The following CWH43 variants were observed in gnomAD, a reference collection of about 807,000 sequenced individuals.
CWH43 encodes cell wall biogenesis 43 C-terminal homolog.
CWH43 carries 91 observed loss-of-function variants against 85.7 expected under a neutral mutation model. The ratio of observed to expected loss-of-function variants is 1.06; its 90% CI spans 0.90 to 1.26. CWH43 has a LOEUF of 1.26. CWH43 is among the 50% of genes most tolerant of loss of function. The pLI, the probability that CWH43 is intolerant of heterozygous loss-of-function variation, is 0.00. For synonymous variants in CWH43, 323 were observed against 293.6 expected (o/e 1.10, Z -1.02); for missense variants, 869 against 839.2 (o/e 1.04, Z -0.44).
chr4:49,025,550 C>T (rs1476177708), intron 9 of CWH43, among the ~76,000 whole-genome samples: 10 of 152,162 alleles, frequency 6.6e-5, no homozygotes, highest in Non-Finnish European at 1.3e-4. Context: ...AGGGTGCTCC[C>T]CTGATGTGGT....
rs373628138 is a variant in CWH43, at chr4:48,994,686, C to T, written c.579C>T (p.Pro193=). The change falls in exon 5 of 16, where the codon CCC becomes CCT. Residue 193 remains proline, a synonymous_variant. Transcript: ENST00000226432. The part of the protein sequence containing the change: ...GEVATGMASR[P]NWLLAGAAFG... The stretch of plus-strand genomic sequence containing the variant: ...TAGCCACGGGGATGGCCTCTAGACC[C>T]AACTGGCTGCTGGCAGGGGCTGCTT... 6.2e-7 allele frequency: 1 copy of T among 1,614,092 alleles called. No homozygotes were observed. Among genetic ancestry groups the T allele is most frequent in the African/African-American group, 1.3e-5 (1 of 74,944 alleles).
intron 6 of CWH43, among the ~76,000 whole-genome samples, chr4:49,001,955 G>T (rs1783006628): frequency 1.3e-5 from 2 of 152,182 alleles, no homozygotes; most frequent in South Asian, 4.1e-4. Context: ...ATTTGGTAAA[G>T]ATTTTTGGTA....
intron 8 of CWH43, among the ~76,000 whole-genome samples, chr4:49,014,730 G>A (rs1373904920): frequency 1.3e-5 from 2 of 151,922 alleles, no homozygotes; most frequent in Non-Finnish European, 2.9e-5. Context: ...GTTTCTTAGA[G>A]CAATTTTAGG....
chr4:48,986,436 T>G lies in CWH43; in HGVS notation c.7T>G (p.Ser3Ala). The change falls in exon 1 of 16, where the codon TCG becomes GCG. Residue 3 changes from serine (S) to alanine (A), a missense_variant. By Grantham distance (99) the Ser-to-Ala change is moderately conservative. Around this residue, in one of 3 missense-constraint regions of CWH43, gnomAD observed 140 missense variants for 122.6 expected, o/e 1.14. Coordinates refer to ENST00000226432, the MANE Select transcript of CWH43 (RefSeq NM_025087.3). ...GCTGCCCCTCGCCGCGGCGATGCCC[T>G]CGCTGTGGAGAGAAATCCTCTTGGA... MP[S>A]LWREILLESL... 1 of 1,548,652 alleles carries G rather than the reference T, an allele frequency of 6.5e-7. No homozygotes were observed. Among genetic ancestry groups the G allele is most frequent in the Non-Finnish European group, 8.7e-7 (1 of 1,143,106 alleles).
intron 13 of CWH43, 83 bp downstream of exon 13, chr4:49,038,263 C>A: frequency 1.6e-6 from 2 of 1,270,668 alleles, no homozygotes; most frequent in South Asian, 1.6e-5. Context: ...CCAACCTCAC[C>A]TAAAAATTTC....
chr4:48,996,720 C>T, intron 5 of CWH43, among the ~76,000 whole-genome samples: 1 of 152,178 alleles, frequency 6.6e-6, no homozygotes, highest in East Asian at 1.9e-4. Context: ...CACCATTCAA[C>T]TCTGGGCCAA....
chr4:48,988,056 A>G (rs1782546372), intron 1 of CWH43, among the ~76,000 whole-genome samples: 1 of 152,190 alleles, frequency 6.6e-6, no homozygotes, highest in South Asian at 2.1e-4. Context: ...GGCAAGGGAA[A>G]GGAACACGCA....
chr4:49,028,052 G>A (rs1352911030), intron 9 of CWH43, among the ~76,000 whole-genome samples: 1 of 152,112 alleles, frequency 6.6e-6, no homozygotes, highest in Admixed American at 6.5e-5. Context: ...CCCTCTGTGT[G>A]ATTTATTTCC....
At chr4:49,055,150 T>C (rs1015367557) in intron 15 of CWH43, among the ~76,000 whole-genome samples, 4 of 152,162 alleles carry the variant, frequency 2.6e-5, no homozygotes, top group Non-Finnish European at 5.9e-5. Flanking sequence ...GGTTGTCATA[T>C]ATGGCCTTTG....
chr4:49,051,458 G>A (rs1194352312), intron 15 of CWH43, among the ~76,000 whole-genome samples: 1 of 152,206 alleles, frequency 6.6e-6, no homozygotes, highest in Non-Finnish European at 1.5e-5. Flanking sequence ...TCCTGGGGTG[G>A]TATCTGGGCT....
chr4:49,032,435 C>T (rs571109584), intron 11 of CWH43, 131 bp from the exon 12 acceptor site: 2 of 944,860 alleles, frequency 2.1e-6, no homozygotes, highest in South Asian at 3.1e-5. Flanking sequence ...GTCTCTGCCG[C>T]ATTGCTTTGA....
chr4:49,045,854 A>T (rs1386229732), intron 14 of CWH43, among the ~76,000 whole-genome samples: 1 of 152,120 alleles, frequency 6.6e-6, no homozygotes, highest in Non-Finnish European at 1.5e-5. Context: ...TACCTTAAAC[A>T]TTTATCATTT....
intron 9 of CWH43, among the ~76,000 whole-genome samples, chr4:49,027,905 G>A (rs1783966672): frequency 6.6e-6 from 1 of 152,052 alleles, no homozygotes; most frequent in South Asian, 2.1e-4. Flanking sequence ...ACTCACTCAC[G>A]ACCTAAGAGA....
chr4:49,059,232 C>A (rs1043122039), intron 15 of CWH43, among the ~76,000 whole-genome samples: 1 of 152,086 alleles, frequency 6.6e-6, no homozygotes, highest in African/African-American at 2.4e-5. Flanking sequence ...ATTGAGTCTG[C>A]TGTTGAATCT....
intron 13 of CWH43, among the ~76,000 whole-genome samples, chr4:49,043,197 T>C (rs1030478373): frequency 2.0e-5 from 3 of 152,176 alleles, no homozygotes; most frequent in Non-Finnish European, 2.9e-5. Flanking sequence ...GATGATGAAA[T>C]AGAAGATAAC....
chr4:48,989,665 C>T (rs1177216944), intron 2 of CWH43, among the ~76,000 whole-genome samples: 1 of 152,146 alleles, frequency 6.6e-6, no homozygotes, highest in Admixed American at 6.5e-5. Flanking sequence ...TGAGCTCAAG[C>T]CATTCTCCCT....
chr4:49,050,103 G>A (rs1256210354), intron 14 of CWH43, among the ~76,000 whole-genome samples: 2 of 152,116 alleles, frequency 1.3e-5, no homozygotes, highest in African/African-American at 4.8e-5. Flanking sequence ...TTCTGGAAGA[G>A]CACAATGTAA....
At position 48,986,389 on chromosome 4, in the gene CWH43, C is replaced by A. The variant is rs1287169171; in HGVS notation, c.-41C>A. On this transcript the variant is annotated 5_prime_UTR_variant, in exon 1 of 16. Transcript: ENST00000226432. ...GCAGGGCTAGGGCAGCGGGCCCGAC[C>A]CGCACGGCTTTCCTGGAAAGCGCTG... 1 of 1,544,108 alleles carries A rather than the reference C, an allele frequency of 6.5e-7. No homozygotes were observed. The highest frequency in any genetic ancestry group is 8.7e-7 in the Non-Finnish European group (1 of 1,143,510).
intron 8 of CWH43, chr4:49,017,031 G>A (rs1783570174): frequency 5.3e-6 from 4 of 759,590 alleles, no homozygotes; most frequent in South Asian, 1.4e-5. Flanking sequence ...AGTTGGGGGA[G>A]AGCAAACCAC....
Sources: gnomAD v4.1 joint callset for allele counts (sites outside exome capture counted in the v4.1 genomes callset) on GRCh38, gnomAD v4.1.1 for gene constraint, gnomAD v4.1.1 regional missense constraint, MANE v1.5 for transcripts, NCBI Gene and HGNC (gene_info 2026-07-23, HGNC 2026-07-21) for gene names.